VPS54: variants seen among roughly 807,000 people sequenced by gnomAD.
VPS54 encodes the protein vacuolar protein sorting-associated protein 54.
VPS54 carries 45 observed loss-of-function variants against 121.5 expected under a neutral mutation model. The ratio of observed to expected loss-of-function variants is 0.37; its 90% CI spans 0.29 to 0.47. The LOEUF (loss-of-function observed/expected upper bound fraction) is 0.47. VPS54 is among the 20% of genes least tolerant of loss of function. VPS54 has a pLI of 0.99. For missense variants in VPS54, 1,090 were observed against 1,131.4 expected, an observed-to-expected ratio of 0.96 and a Z score of 0.52; for synonymous variants, 371 against 385.8, an observed-to-expected ratio of 0.96 and a Z score of 0.45.
intron 12 of VPS54, among the ~76,000 whole-genome samples, chr2:63,932,925 G>T (rs1020520116): frequency 7.2e-5 from 11 of 152,090 alleles, no homozygotes; most frequent in African/African-American, 2.7e-4. Context: ...ATATAGGAGT[G>T]TTCTTGTGTT....
chr2:63,925,867 G>T (rs1325572175), intron 12 of VPS54, among the ~76,000 whole-genome samples: 1 of 152,234 alleles, frequency 6.6e-6, no homozygotes, highest in Non-Finnish European at 1.5e-5. Flanking sequence ...AGCTGGTAAA[G>T]TTATAGTTCT....
At chr2:64,001,474 G>A (rs1410239274) in intron 1 of VPS54, among the ~76,000 whole-genome samples, 5 of 152,162 alleles carry the variant, frequency 3.3e-5, no homozygotes, top group African/African-American at 9.7e-5. Flanking sequence ...GGAATGTGCT[G>A]GGTCTCACCT....
rs1674339830 is a variant in VPS54, at chr2:63,934,003, T to C, written c.1409A>G (p.Asn470Ser). Residue 470 changes from asparagine to serine, a missense_variant, in exon 12 of 23, where the codon AAT becomes AGT. Asn to Ser is a conservative substitution (Grantham distance 46). Coordinates refer to ENST00000272322, the MANE Select transcript of VPS54 (RefSeq NM_016516.3). ...TGAGAGAACAACACTGTGAATGATA[T>C]TTAATGTTGCCTACAAGAAAATAGG... ...IFLQRVKATL[N>S]IIHSVVLSVL... is the part of the protein sequence containing the mutation. The C allele has an allele frequency of 1.9e-6, 3 of 1,610,568 alleles. No individual in the cohort carries two copies. Among genetic ancestry groups the C allele is most frequent in the Non-Finnish European group, 2.5e-6 (3 of 1,178,006 alleles).
chr2:63,977,837 G>C (rs76844092), intron 3 of VPS54, among the ~76,000 whole-genome samples: 1,875 of 152,300 alleles, frequency 0.012, 17 homozygotes, highest in Non-Finnish European at 0.015. Flanking sequence ...ATGAAGTTTT[G>C]TTTATCTGGC....
chr2:63,978,276 T>A (rs954794852), intron 3 of VPS54, among the ~76,000 whole-genome samples: 1 of 152,210 alleles, frequency 6.6e-6, no homozygotes, highest in African/African-American at 2.4e-5. Flanking sequence ...TGTAGCACTT[T>A]AAATTCCCAC....
At chr2:63,915,151 CAAAAAAA>C (rs5831674) in intron 16 of VPS54, among the ~76,000 whole-genome samples, 37 of 23,852 alleles carry the variant, frequency 1.6e-3, no homozygotes, top group African/African-American at 4.6e-3. Flanking sequence ...AGCTCCGTCT[CAAAAAAA>C]AAAAAAAAAA....
At chr2:64,005,086 C>CTGCTT (rs1678061133) in intron 1 of VPS54, among the ~76,000 whole-genome samples, 1 of 76,604 alleles carries the variant, frequency 1.3e-5, no homozygotes, top group Admixed American at 1.5e-4. Context: ...TCTACTATTG[C>CTGCTT]TTCTTTTTTT....
At chr2:63,987,539 ATTGTTTTTTCT>A (rs1219462905) in intron 1 of VPS54, among the ~76,000 whole-genome samples, 1 of 152,000 alleles carries the variant, frequency 6.6e-6, no homozygotes, top group African/African-American at 2.4e-5. Flanking sequence ...AAATTTCAAG[ATTGTTTTTTCT>A]ATTTCTCTGA....
chr2:63,972,781 G>A (rs1676345599), intron 3 of VPS54, among the ~76,000 whole-genome samples: 1 of 151,986 alleles, frequency 6.6e-6, no homozygotes, highest in South Asian at 2.1e-4. Context: ...GGGAGGCTGA[G>A]GCACAAGAAT....
intron 12 of VPS54, among the ~76,000 whole-genome samples, chr2:63,930,484 C>A (rs1674138561): frequency 6.6e-6 from 1 of 152,098 alleles, no homozygotes; most frequent in Admixed American, 6.6e-5. Context: ...TAAAAACTCT[C>A]AATAAACTAG....
At chr2:63,932,370 A>G (rs1674250942) in intron 12 of VPS54, among the ~76,000 whole-genome samples, 1 of 152,224 alleles carries the variant, frequency 6.6e-6, no homozygotes, top group South Asian at 2.1e-4. Context: ...ACATGGATGA[A>G]GCTGGAAACC....
chr2:63,953,668 C>A (rs1416011744), intron 7 of VPS54, among the ~76,000 whole-genome samples: 1 of 151,968 alleles, frequency 6.6e-6, no homozygotes, highest in Non-Finnish European at 1.5e-5. Context: ...GTACAGTGCG[C>A]TAACACTTAT....
intron 12 of VPS54, among the ~76,000 whole-genome samples, chr2:63,927,284 G>C (rs572713646): frequency 6.6e-6 from 1 of 152,278 alleles, no homozygotes; most frequent in East Asian, 1.9e-4. Context: ...ATACAGGTGG[G>C]TGCCCCTCTG....
intron 1 of VPS54, among the ~76,000 whole-genome samples, chr2:63,997,334 G>T (rs914252542): frequency 6.6e-6 from 1 of 152,110 alleles, no homozygotes; most frequent in Non-Finnish European, 1.5e-5. Context: ...TCAGGTTCTG[G>T]ACTTTTTACT....
intron 1 of VPS54, among the ~76,000 whole-genome samples, chr2:63,984,662 G>C (rs1361426449): frequency 6.6e-6 from 1 of 152,168 alleles, no homozygotes; most frequent in East Asian, 1.9e-4. Flanking sequence ...AAAAGGAAGT[G>C]TCATTCTTCA....
At chr2:63,997,564 A>G (rs1487461874) in intron 1 of VPS54, among the ~76,000 whole-genome samples, 1 of 151,670 alleles carries the variant, frequency 6.6e-6, no homozygotes, top group African/African-American at 2.4e-5. Flanking sequence ...TTCATCTCTG[A>G]TCTTTTGGGG....
rs370510236 is a variant in VPS54 at position 63,914,104 on chromosome 2, TTTGAG to T, written c.2334+73_2334+77del. On this transcript the variant is annotated intron_variant, in intron 17 of 22. Transcript: ENST00000272322. ...AAAGTTAATTTGACCTTGAAATGTC[TTTGAG>T]TTAAGATTAGTCACACCCTAATGTA... 5.7e-4 allele frequency: 702 copies of T among 1,229,386 alleles called. 2 individuals carry two copies. Among genetic ancestry groups the T allele is most frequent in the African/African-American group, 3.5e-3 (230 of 65,858 alleles). The allele number at this position is 1,229,386 out of a possible 1,614,324, so 76.2% of individuals were successfully genotyped here.
chr2:63,933,911 C>A lies in VPS54; in HGVS notation c.1501G>T (p.Asp501Tyr). The change falls in exon 12 of 23, where the codon GAT (aspartate) becomes TAT (tyrosine). Residue 501 changes from aspartate to tyrosine, a missense_variant. Asp to Tyr is a radical substitution (Grantham distance 160, BLOSUM62 -3). Around this residue, in one of 2 missense-constraint regions of VPS54, gnomAD observed 801 missense variants for 757.0 expected, o/e 1.06. Coordinates refer to ENST00000272322, the MANE Select transcript of VPS54 (RefSeq NM_016516.3). Reference sequence around the variant, plus strand: ...GCCACCTCTGTGTCCAGTGAATTATCTTTTGCAGCATTCTTCTGTTGTGAA... The same window carrying A: ...GCCACCTCTGTGTCCAGTGAATTATATTTTGCAGCATTCTTCTGTTGTGAA... ...EISQQKNAAK[D>Y]NSLDTEVAYL... The A allele has an allele frequency of 6.2e-7, 1 of 1,613,776 alleles. No individual in the cohort carries two copies. Among genetic ancestry groups the A allele is most frequent in the Non-Finnish European group, 8.5e-7 (1 of 1,179,832 alleles).
chr2:63,951,206 CT>C (rs71245641), intron 7 of VPS54, among the ~76,000 whole-genome samples: 13,142 of 134,248 alleles, frequency 0.098, 647 homozygotes, highest in Middle Eastern at 0.13. Flanking sequence ...ACAAATTTCC[CT>C]TTTTTTTTTT....
Sources: allele counts gnomAD v4.1 joint callset (sites outside exome capture counted in the v4.1 genomes callset), GRCh38; gene constraint gnomAD v4.1.1; regional missense constraint gnomAD v4.1.1; transcripts MANE v1.5; gene names NCBI Gene and HGNC (gene_info 2026-07-23, HGNC 2026-07-21).